The following ZNF19 variants were observed in gnomAD, a reference collection of about 807,000 sequenced individuals.
ZNF19 encodes the protein zinc finger protein 19 (KOX 12).
In ZNF19, 11 loss-of-function variants were observed where a neutral mutation model predicts 13.1. The observed-to-expected ratio is 0.84, with a 90% CI of 0.53 to 1.39. ZNF19 has a LOEUF of 1.39. Ranked by LOEUF, ZNF19 falls within the 40% of genes most tolerant of loss-of-function variation. The pLI is 0.00. For synonymous variants in ZNF19, 186 were observed against 187.0 expected (o/e 0.99, Z 0.04); for missense variants, 560 against 547.0 (o/e 1.02, Z -0.24).
In ZNF19 at chr16:71,475,559, A is replaced by C. The variant is rs1170241257; in HGVS notation, c.988T>G (p.Ser330Ala). 9 of 1,613,874 alleles carry C rather than the reference A, an allele frequency of 5.6e-6. No homozygotes were observed. The highest frequency in any genetic ancestry group is 1.7e-6 in the Non-Finnish European group (2 of 1,179,990). Residue 330 changes from serine to alanine, a missense_variant, in exon 6 of 6, where the codon TCT (serine) becomes GCT (alanine). By Grantham distance (99) the Ser-to-Ala change is moderately conservative (BLOSUM62 1). Transcript: ENST00000288177. Reference protein sequence around the residue: ...QRIHTGEKPYSCKVCGQAFNF... With the variant: ...QRIHTGEKPYACKVCGQAFNF... ...AAGGCTTGTCCACATACTTTACAAGAATAAGGCTTTTCCCCTGTGTGAATA... is the reference window on the plus strand; with the variant it reads ...AAGGCTTGTCCACATACTTTACAAGCATAAGGCTTTTCCCCTGTGTGAATA...
chr16:71,479,513 C>T (rs934852988), intron 3 of ZNF19, among the ~76,000 whole-genome samples: 4 of 152,122 alleles, frequency 2.6e-5, no homozygotes, highest in Non-Finnish European at 4.4e-5. Flanking sequence ...ACTGATGGGC[C>T]TATCTCATCC....
rs539804564 is a variant in ZNF19 at position 71,478,334 on chromosome 16, T to G, written c.168A>C (p.Pro56=). The part of the protein sequence containing the change: ...NFGNLTALGY[P]VPKPALISLL... ...GTGAGATCAGTGCAGGTTTGGGAAC[T>G]GGGTACCCTGAAAACAGGAAGAAAA... is the stretch of plus-strand genomic sequence containing the variant. The change falls in exon 5 of 6, where the codon CCA becomes CCC. Residue 56 remains proline (P), a synonymous_variant. Coordinates refer to ENST00000288177, the MANE Select transcript of ZNF19 (RefSeq NM_006961.4). 1.2e-6 allele frequency: 2 copies of G among 1,612,588 alleles called. No individual in the cohort carries two copies. Among genetic ancestry groups the G allele is most frequent in the South Asian group, 1.1e-5 (1 of 90,906 alleles).
At chr16:71,486,181 G>GAA (rs33957419) in intron 1 of ZNF19, among the ~76,000 whole-genome samples, 5 of 130,882 alleles carry the variant, frequency 3.8e-5, no homozygotes, top group Admixed American at 7.9e-5. Flanking sequence ...TGTCTCTACC[G>GAA]AAAAAAAAAA....
At chr16:71,480,214 C>T (rs942057142) in intron 3 of ZNF19, among the ~76,000 whole-genome samples, 8 of 152,156 alleles carry the variant, frequency 5.3e-5, no homozygotes, top group African/African-American at 1.9e-4. Flanking sequence ...TATTGAACTT[C>T]GTTACCGGAG....
chr16:71,475,314 T>C lies in ZNF19; in HGVS notation c.1233A>G (p.Lys411=), dbSNP rs751510251. Residue 411 remains lysine (K), a synonymous_variant, in exon 6 of 6, where the codon AAA becomes AAG. Coordinates refer to ENST00000288177, the MANE Select transcript of ZNF19 (RefSeq NM_006961.4). ...TCTCATACTTGCTACACTCATAGGGTTTCTCTCCAGTATGGATTCTTTGAT... is the reference window on the plus strand; with the variant it reads ...TCTCATACTTGCTACACTCATAGGGCTTCTCTCCAGTATGGATTCTTTGAT... ...HQHQRIHTGE[K]PYECSKYEKA... 1 of 1,614,194 alleles carries C rather than the reference T, an allele frequency of 6.2e-7. No individual in the cohort carries two copies. Among genetic ancestry groups the C allele is most frequent in the Non-Finnish European group, 8.5e-7 (1 of 1,180,024 alleles).
intron 2 of ZNF19, 56 bp downstream of exon 2, chr16:71,484,533 G>C: frequency 1.0e-6 from 1 of 985,442 alleles, no homozygotes; most frequent in Non-Finnish European, 1.2e-6. Flanking sequence ...GCCTTCTCTA[G>C]AGGTGCAGTG....
intron 3 of ZNF19, 199 bp from the exon 4 acceptor site, chr16:71,479,204 AG>A: frequency 1.6e-6 from 1 of 611,930 alleles, no homozygotes; most frequent in East Asian, 2.8e-5. Context: ...CTACCAGAAG[AG>A]ATTCCATTAG....
At chr16:71,488,125 C>A (rs4275857) in intron 1 of ZNF19, among the ~76,000 whole-genome samples, 33,912 of 151,764 alleles carry the variant, frequency 0.22, 4,042 homozygotes, top group Middle Eastern at 0.39. Flanking sequence ...TTTGGGAGGC[C>A]AAGGTGGATG....
Position 71,478,271 on chromosome 16 carries a change from T to C in ZNF19, c.231A>G (p.Ala77=). 1 of 1,614,140 alleles carries C rather than the reference T, an allele frequency of 6.2e-7. No homozygotes were observed. Among genetic ancestry groups the C allele is most frequent in the Non-Finnish European group, 8.5e-7 (1 of 1,180,022 alleles). Reference sequence around the variant, plus strand: ...TCCTCTCTGCTGGGGGATCATCCTGTGCTTCCAGGCCCCAAGCCATGTCCC... The same window carrying C: ...TCCTCTCTGCTGGGGGATCATCCTGCGCTTCCAGGCCCCAAGCCATGTCCC... The part of the protein sequence containing the change: ...ERGDMAWGLE[A]QDDPPAERTK... Residue 77 remains alanine, a synonymous_variant, in exon 5 of 6, where the codon GCA becomes GCG. Transcript: ENST00000288177.
chr16:71,476,213 C>G lies in ZNF19; in HGVS notation c.334G>C (p.Asp112His). 6.2e-7 allele frequency: 1 copy of G among 1,614,130 alleles called. No individual in the cohort carries two copies. The highest frequency in any genetic ancestry group is 8.5e-7 in the Non-Finnish European group (1 of 1,179,996). The change falls in exon 6 of 6, where the codon GAT becomes CAT. Residue 112 changes from aspartate to histidine, a missense_variant. Asp to His is a moderately conservative substitution (Grantham distance 81, BLOSUM62 -1). Coordinates refer to ENST00000288177, the MANE Select transcript of ZNF19 (RefSeq NM_006961.4). ...AGCTGACCATGTGACATCATCCCAT[C>G]TCTTTCTTCAGAAATTCCCTGGATT... ...TLIQGISEER[D>H]GMMSHGQLKS...
intron 3 of ZNF19, 86 bp downstream of exon 3, chr16:71,481,996 C>T (rs1450599770): frequency 6.7e-7 from 1 of 1,496,582 alleles, no homozygotes; most frequent in Admixed American, 1.7e-5. Flanking sequence ...TGCTTTGGCT[C>T]TAAGACTTGC....
intron 1 of ZNF19, 105 bp downstream of exon 1, chr16:71,489,167 C>A: frequency 5.9e-6 from 5 of 853,400 alleles, no homozygotes; most frequent in Non-Finnish European, 7.0e-6. Context: ...TGACGCCCTC[C>A]CCGTCCCCTT....
intron 1 of ZNF19, among the ~76,000 whole-genome samples, chr16:71,485,668 G>C (rs2043673378): frequency 6.6e-6 from 1 of 151,970 alleles, no homozygotes; most frequent in African/African-American, 2.4e-5. Context: ...AATTGAAGAA[G>C]AGGAGCTGGT....
At chr16:71,477,644 C>T (rs567421381) in intron 5 of ZNF19, among the ~76,000 whole-genome samples, 2 of 152,204 alleles carry the variant, frequency 1.3e-5, no homozygotes, top group African/African-American at 2.4e-5. Flanking sequence ...AGACTCTCCA[C>T]CCACCTTCTC....
intron 5 of ZNF19, among the ~76,000 whole-genome samples, chr16:71,477,585 T>C (rs2043610726): frequency 6.6e-6 from 1 of 152,122 alleles, no homozygotes; most frequent in South Asian, 2.1e-4. Flanking sequence ...CTGGGGATCG[T>C]TTCAACCCAG....
In ZNF19 at chr16:71,478,939, C is replaced by T. The variant is rs148003075; in HGVS notation, c.100G>A (p.Ala34Thr). 1 of 1,614,118 alleles carries T rather than the reference C, an allele frequency of 6.2e-7. No individual in the cohort carries two copies. Among genetic ancestry groups the T allele is most frequent in the Non-Finnish European group, 8.5e-7 (1 of 1,180,050 alleles). Residue 34 changes from alanine to threonine, a missense_variant, in exon 4 of 6, where the codon GCC becomes ACC. Transcript: ENST00000288177. ...ACACTTCTGTACAGGGCCCTCTGGG[C>T]AGGAGAAAGGCCAGTCCATTCTGTC... ...TKTEWTGLSP[A>T]QRALYRSVML...
At chr16:71,478,048 A>G in intron 5 of ZNF19, 180 bp downstream of exon 5, 1 of 563,712 alleles carries the variant, frequency 1.8e-6, no homozygotes, top group Non-Finnish European at 3.2e-6. Context: ...CAAGGATTGC[A>G]GATGAGACGT....
intron 1 of ZNF19, among the ~76,000 whole-genome samples, chr16:71,486,368 A>G (rs1403466746): frequency 1.3e-5 from 2 of 152,082 alleles, no homozygotes; most frequent in Non-Finnish European, 2.9e-5. Flanking sequence ...CAAAAAAAAA[A>G]AGATGATTAT....
chr16:71,481,946 A>G, intron 3 of ZNF19, 136 bp downstream of exon 3: 2 of 884,502 alleles, frequency 2.3e-6, no homozygotes, highest in Non-Finnish European at 3.7e-6. Context: ...TTTCCCCAGC[A>G]CCCAGTCCTA....
Sources: gnomAD v4.1 joint callset for allele counts (sites outside exome capture counted in the v4.1 genomes callset) on GRCh38, gnomAD v4.1.1 for gene constraint, MANE v1.5 for transcripts, NCBI Gene and HGNC (gene_info 2026-07-23, HGNC 2026-07-21) for gene names.